Variants in OPCML observed in about 807,000 individuals in gnomAD.
OPCML encodes the protein opioid binding protein/cell adhesion molecule like.
A neutral mutation model predicts 37.8 loss-of-function variants in OPCML; 13 were observed. The ratio of observed to expected loss-of-function variants is 0.34; its 90% CI spans 0.22 to 0.55. The LOEUF is 0.55. OPCML is among the 20% of genes least tolerant of loss of function. The probability of loss-of-function intolerance (pLI) is 0.91; values close to 1 mark genes in which losing one functional copy is unlikely to be tolerated. For missense variants in OPCML, 341 were observed against 435.6 expected (o/e 0.78, Z 1.93); for synonymous variants, 176 against 168.8 (o/e 1.04, Z -0.33).
intron 2 of OPCML, among the ~76,000 whole-genome samples, chr11:132,922,849 G>A (rs554119381): frequency 6.6e-6 from 1 of 152,172 alleles, no homozygotes; most frequent in South Asian, 2.1e-4. Context: ...GAGGTGGAAG[G>A]ATCTCTTGAG....
At chr11:132,583,257 G>C (rs1306351332) in intron 3 of OPCML, among the ~76,000 whole-genome samples, 1 of 151,906 alleles carries the variant, frequency 6.6e-6, no homozygotes, top group Non-Finnish European at 1.5e-5. Context: ...TTAAAAGAAA[G>C]TTTGTTTGAT....
intron 2 of OPCML, among the ~76,000 whole-genome samples, chr11:132,711,674 T>G (rs1944268157): frequency 6.6e-6 from 1 of 152,184 alleles, no homozygotes; most frequent in Non-Finnish European, 1.5e-5. Flanking sequence ...TATGTATATG[T>G]GTGTGTATGA....
chr11:133,239,530 C>A (rs117564526), intron 1 of OPCML, among the ~76,000 whole-genome samples: 1 of 152,240 alleles, frequency 6.6e-6, no homozygotes, highest in Non-Finnish European at 1.5e-5. Context: ...GCCTCAGGTG[C>A]AAAGTGCTTC....
At chr11:132,918,298 A>T (rs1313535537) in intron 2 of OPCML, among the ~76,000 whole-genome samples, 1 of 152,186 alleles carries the variant, frequency 6.6e-6, no homozygotes, top group Non-Finnish European at 1.5e-5. Context: ...ATTTTTCTAC[A>T]CATCTACTCT....
chr11:132,521,748 C>T (rs1444444957), intron 4 of OPCML, among the ~76,000 whole-genome samples: 2 of 152,038 alleles, frequency 1.3e-5, no homozygotes, highest in East Asian at 3.8e-4. Context: ...ACATCCTGCA[C>T]ATTCCAGAAC....
intron 1 of OPCML, among the ~76,000 whole-genome samples, chr11:133,192,997 T>C (rs1018874984): frequency 5.9e-5 from 9 of 152,074 alleles, no homozygotes; most frequent in African/African-American, 1.9e-4. Context: ...TCTGCTAACA[T>C]AGACCATAGA....
At chr11:133,137,496 T>C (rs1038322802) in intron 1 of OPCML, among the ~76,000 whole-genome samples, 1 of 152,212 alleles carries the variant, frequency 6.6e-6, no homozygotes, top group Non-Finnish European at 1.5e-5. Context: ...AGAAGGAATG[T>C]CAAGGAGTTC....
At chr11:133,339,792 C>T (rs1358362483) in intron 1 of OPCML, among the ~76,000 whole-genome samples, 1 of 152,158 alleles carries the variant, frequency 6.6e-6, no homozygotes, top group Non-Finnish European at 1.5e-5. Flanking sequence ...TGAGTCATTT[C>T]AGAGAGACAA....
chr11:132,716,386 C>T (rs567379138), intron 2 of OPCML, among the ~76,000 whole-genome samples: 2 of 131,786 alleles, frequency 1.5e-5, no homozygotes, highest in Non-Finnish European at 3.1e-5. Context: ...GTCTATCTGT[C>T]TATTTATCTA....
rs117576690 is a variant in OPCML at position 132,699,144 on chromosome 11, T to A, written c.147-41825A>T. Among the ~76,000 whole-genome samples, 453 of 152,176 alleles carry A rather than the reference T, an allele frequency of 3.0e-3. 1 individual carries two copies. The highest frequency in any genetic ancestry group is 4.8e-3 in the Non-Finnish European group (327 of 67,948). On this transcript the variant is annotated intron_variant, in intron 2 of 7. Coordinates refer to ENST00000524381, the MANE Select transcript of OPCML (RefSeq NM_001012393.5). The stretch of plus-strand genomic sequence containing the variant: ...TTGTAAATGGGACTGTTGTTTCAAC[T>A]TCTTTTTGATAGGTTCTTATTAGTG...
At chr11:133,042,829 T>C (rs1430856906) in intron 1 of OPCML, among the ~76,000 whole-genome samples, 1 of 152,078 alleles carries the variant, frequency 6.6e-6, no homozygotes, top group African/African-American at 2.4e-5. Context: ...CATATTTCTG[T>C]CATGGGCAAA....
chr11:133,263,153 AT>A (rs1941544806), intron 1 of OPCML, among the ~76,000 whole-genome samples: 1 of 151,962 alleles, frequency 6.6e-6, no homozygotes, highest in African/African-American at 2.4e-5. Context: ...TTGAACCCTC[AT>A]TTTTTTCTCT....
intron 2 of OPCML, among the ~76,000 whole-genome samples, chr11:132,833,511 T>A (rs1190452401): frequency 6.6e-6 from 1 of 152,222 alleles, no homozygotes; most frequent in Non-Finnish European, 1.5e-5. Flanking sequence ...TTTTAATAAG[T>A]AGAAAGAGTA....
chr11:132,436,541 C>T, intron 6 of OPCML, 118 bp downstream of exon 6: 2 of 1,494,846 alleles, frequency 1.3e-6, no homozygotes, highest in Non-Finnish European at 1.8e-6. Context: ...CAAAAGAGGG[C>T]ATAGTATATT....
At chr11:132,550,247 C>T (rs2096378356) in intron 3 of OPCML, among the ~76,000 whole-genome samples, 1 of 152,158 alleles carries the variant, frequency 6.6e-6, no homozygotes, top group Non-Finnish European at 1.5e-5. Context: ...TTTGTCCCTG[C>T]CCAAATCTCA....
chr11:132,852,657 G>T (rs1348424278), intron 2 of OPCML, among the ~76,000 whole-genome samples: 2 of 152,056 alleles, frequency 1.3e-5, no homozygotes, highest in African/African-American at 4.8e-5. Flanking sequence ...AGAAGACAAT[G>T]CCTGTTTGCC....
At chr11:132,765,905 C>A (rs1003544625) in intron 2 of OPCML, among the ~76,000 whole-genome samples, 3 of 152,008 alleles carry the variant, frequency 2.0e-5, no homozygotes, top group East Asian at 1.9e-4. Flanking sequence ...GGCAGAAGTG[C>A]GTCTAAAATG....
At chr11:132,716,246 C>T (rs1944471519) in intron 2 of OPCML, among the ~76,000 whole-genome samples, 1 of 152,148 alleles carries the variant, frequency 6.6e-6, no homozygotes, top group African/African-American at 2.4e-5. Context: ...TGTCACTGAC[C>T]TGGGAATCCC....
chr11:132,910,953 G>A (rs1231748664), intron 2 of OPCML, among the ~76,000 whole-genome samples: 1 of 152,232 alleles, frequency 6.6e-6, no homozygotes, highest in Non-Finnish European at 1.5e-5. Flanking sequence ...TGGAATGCAA[G>A]GGTGAAAAGA....
Sources: gnomAD v4.1 joint callset for allele counts (sites outside exome capture counted in the v4.1 genomes callset) on GRCh38, gnomAD v4.1.1 for gene constraint, MANE v1.5 for transcripts, NCBI Gene and HGNC (gene_info 2026-07-23, HGNC 2026-07-21) for gene names.